Variants in SPRR2E observed in about 807,000 individuals in gnomAD.
The protein encoded by SPRR2E is small proline-rich protein 2E.
For missense variants in SPRR2E, 68 were observed against 87.1 expected (o/e 0.78, Z 0.87); for synonymous variants, 20 against 32.2 (o/e 0.62, Z 1.28).
intron 1 of SPRR2E, among the ~76,000 whole-genome samples, chr1:153,094,222 T>C (rs1441643955): frequency 2.0e-5 from 3 of 152,184 alleles, no homozygotes; most frequent in African/African-American, 7.2e-5. Flanking sequence ...ACCAGGAAAA[T>C]ATGGAAAAGA....
At chr1:153,094,146 G>A (rs369674147) in intron 1 of SPRR2E, among the ~76,000 whole-genome samples, 5 of 152,370 alleles carry the variant, frequency 3.3e-5, no homozygotes, top group African/African-American at 1.2e-4. Context: ...TGGGCACAGA[G>A]CAAGGGCTGT....
At chr1:153,093,878 A>G (rs1655159357) in intron 1 of SPRR2E, 108 bp from the exon 2 acceptor site, 3 of 1,338,150 alleles carry the variant, frequency 2.2e-6, no homozygotes, top group Non-Finnish European at 3.0e-6. Flanking sequence ...CCAAAAATTT[A>G]TTTAAACTCT....
chr1:153,093,516 G>A lies in SPRR2E; in HGVS notation c.*17C>T. 6.2e-7 allele frequency: 1 copy of A among 1,610,328 alleles called. No individual in the cohort carries two copies. Among genetic ancestry groups the A allele is most frequent in the South Asian group, 1.1e-5 (1 of 90,566 alleles). On this transcript the variant is annotated 3_prime_UTR_variant, in exon 2 of 2. Transcript: ENST00000368750. ...ATTATCCTTATCCTTTCATGCTCCT[G>A]ATGAATTCTGAAGCTGTTACTTGCT... is the stretch of plus-strand genomic sequence containing the variant.
In SPRR2E at chr1:153,093,429, T is replaced by A. The variant is rs1414129121; in HGVS notation, c.*104A>T. ...ACTGGCTAAGAGGAAAGAAGCTAACTGTGTATCCATGGTAGGCTTTGATGA... is the reference window on the plus strand; with the variant it reads ...ACTGGCTAAGAGGAAAGAAGCTAACAGTGTATCCATGGTAGGCTTTGATGA... On this transcript the variant is annotated 3_prime_UTR_variant, in exon 2 of 2. Coordinates refer to ENST00000368750, the MANE Select transcript of SPRR2E (RefSeq NM_001024209.4). 1 of 1,531,916 alleles carries A rather than the reference T, an allele frequency of 6.5e-7. No homozygotes were observed. Among genetic ancestry groups the A allele is most frequent in the Non-Finnish European group, 8.8e-7 (1 of 1,136,474 alleles). The allele number at this position is 1,531,916 out of a possible 1,614,324, so 94.9% of individuals were successfully genotyped here. A position where few individuals can be genotyped will look rare whatever the true frequency, so the allele number is the denominator to read the frequency against.
Position 153,093,706 on chromosome 1 carries a change from G to A in SPRR2E, c.46C>T (p.Pro16Ser). The A allele has an allele frequency of 6.2e-7, 1 of 1,612,254 alleles. No homozygotes were observed. The highest frequency in any genetic ancestry group is 8.5e-7 in the Non-Finnish European group (1 of 1,179,862). ...GGGCACTTTGGCGTGGGGCACACAGGAGGTGGCTGGCAGGGCTGCTTGCAC... is the reference window on the plus strand; with the variant it reads ...GGGCACTTTGGCGTGGGGCACACAGAAGGTGGCTGGCAGGGCTGCTTGCAC... ...QQCKQPCQPPPVCPTPKCPEP... is the reference protein window; with the variant it reads ...QQCKQPCQPPSVCPTPKCPEP... The change falls in exon 2 of 2, where the codon CCT becomes TCT. Residue 16 changes from proline to serine, a missense_variant. Transcript: ENST00000368750.
chr1:153,093,315 C>T lies in SPRR2E; in HGVS notation c.*218G>A, dbSNP rs1655131559. 1 of 892,590 alleles carries T rather than the reference C, an allele frequency of 1.1e-6. No individual in the cohort carries two copies. The highest frequency in any genetic ancestry group is 1.7e-6 in the Non-Finnish European group (1 of 602,246). The allele number at this position is 892,590 out of a possible 1,614,324, so 55.3% of individuals were successfully genotyped here. A position where few individuals can be genotyped will look rare whatever the true frequency, so the allele number is the denominator to read the frequency against. On this transcript the variant is annotated 3_prime_UTR_variant, in exon 2 of 2. Transcript: ENST00000368750. ...CTCTGGGAACTGACACTGCTGAGGA[C>T]TTCCTTTCTCAGTCTCCACCTGGAC...
In SPRR2E at chr1:153,093,230, A is replaced by C; in HGVS notation, c.*303T>G. On this transcript the variant is annotated 3_prime_UTR_variant, in exon 2 of 2. Coordinates refer to ENST00000368750, the MANE Select transcript of SPRR2E (RefSeq NM_001024209.4). ...GCCCAGGTGACAGACAGACACAGAA[A>C]ACATCAACAGCATTTTTTGATGGTT... The C allele has an allele frequency of 4.2e-6, 2 of 481,428 alleles. No homozygotes were observed. The highest frequency in any genetic ancestry group is 3.2e-5 in the East Asian group (1 of 30,814). The allele number at this position is 481,428 out of a possible 1,614,324, so 29.8% of individuals were successfully genotyped here.
At position 153,093,570 on chromosome 1, in the gene SPRR2E, G is replaced by A; in HGVS notation, c.182C>T (p.Pro61Leu). 1 of 1,613,014 alleles carries A rather than the reference G, an allele frequency of 6.2e-7. No homozygotes were observed. Among genetic ancestry groups the A allele is most frequent in the Non-Finnish European group, 8.5e-7 (1 of 1,179,822 alleles). Residue 61 changes from proline to leucine, a missense_variant, in exon 2 of 2, where the codon CCA (proline) becomes CTA (leucine). Physicochemically the swap from Pro to Leu is moderately conservative, Grantham distance 98. Transcript: ENST00000368750. Reference sequence around the variant, plus strand: ...GGGTGGACACTTTGGCTGGCAGGGTGGGGAAGGTGTCACAGGAGGACATTT... The same window carrying A: ...GGGTGGACACTTTGGCTGGCAGGGTAGGGAAGGTGTCACAGGAGGACATTT... Reference protein sequence around the residue: ...QQKCPPVTPSPPCQPKCPPKS... With the variant: ...QQKCPPVTPSLPCQPKCPPKS...
At position 153,093,559 on chromosome 1, in the gene SPRR2E, G is replaced by C; in HGVS notation, c.193C>G (p.Pro65Ala). The change falls in exon 2 of 2, where the codon CCA becomes GCA. Residue 65 changes from proline (P) to alanine (A), a missense_variant. Physicochemically the swap from Pro to Ala is conservative, Grantham distance 27 (BLOSUM62 -1). Coordinates refer to ENST00000368750, the MANE Select transcript of SPRR2E (RefSeq NM_001024209.4). ...PPVTPSPPCQ[P>A]KCPPKSK The stretch of plus-strand genomic sequence containing the variant: ...TACTTGCTCTTGGGTGGACACTTTG[G>C]CTGGCAGGGTGGGGAAGGTGTCACA... 1.9e-6 allele frequency: 3 copies of C among 1,612,880 alleles called. No homozygotes were observed. In the Admixed American group the frequency reaches 5.0e-5, roughly 27 times the overall value.
intron 1 of SPRR2E, 138 bp from the exon 2 acceptor site, chr1:153,093,908 T>A: frequency 7.6e-7 from 1 of 1,324,372 alleles, no homozygotes. Context: ...TTTCATGACT[T>A]CCTGTCTTCT....
At position 153,093,351 on chromosome 1, in the gene SPRR2E, T is replaced by A. The variant is rs532627300; in HGVS notation, c.*182A>T. 1.7e-6 allele frequency: 2 copies of A among 1,197,350 alleles called. No homozygotes were observed. The highest frequency in any genetic ancestry group is 2.3e-6 in the Non-Finnish European group (2 of 866,240). 74.2% of individuals were successfully genotyped at this position (1,197,350 alleles called of 1,614,324 possible). ...AGTCTCCACCTGGACAGTGGCAATA[T>A]GGCAGCCTCAGAAAGGAAACCTTTT... On this transcript the variant is annotated 3_prime_UTR_variant, in exon 2 of 2. Transcript: ENST00000368750.
Position 153,093,337 on chromosome 1 carries a change from G to A in SPRR2E, c.*196C>T. ...GGACTTCCTTTCTCAGTCTCCACCT[G>A]GACAGTGGCAATATGGCAGCCTCAG... On this transcript the variant is annotated 3_prime_UTR_variant, in exon 2 of 2. Transcript: ENST00000368750. 1 of 1,067,142 alleles carries A rather than the reference G, an allele frequency of 9.4e-7. No individual in the cohort carries two copies. The highest frequency in any genetic ancestry group is 1.6e-5 in the African/African-American group (1 of 62,514). 66.1% of individuals were successfully genotyped at this position (1,067,142 alleles called of 1,614,324 possible). A position where few individuals can be genotyped will look rare whatever the true frequency, so the allele number is the denominator to read the frequency against.
Position 153,093,401 on chromosome 1 carries a change from A to C in SPRR2E, c.*132T>G, listed in dbSNP as rs1008556790. On this transcript the variant is annotated 3_prime_UTR_variant, in exon 2 of 2. Coordinates refer to ENST00000368750, the MANE Select transcript of SPRR2E (RefSeq NM_001024209.4). The stretch of plus-strand genomic sequence containing the variant: ...TGCTATCAGGGATCATCATGGGCAG[A>C]TCACTGGCTAAGAGGAAAGAAGCTA... 2 of 1,487,376 alleles carry C rather than the reference A, an allele frequency of 1.3e-6. No individual in the cohort carries two copies. The highest frequency in any genetic ancestry group is 2.2e-5 in the Admixed American group (1 of 46,386). 92.1% of individuals were successfully genotyped at this position (1,487,376 alleles called of 1,614,324 possible).
chr1:153,093,594 T>G lies in SPRR2E; in HGVS notation c.158A>C (p.Lys53Thr). 1 of 1,612,826 alleles carries G rather than the reference T, an allele frequency of 6.2e-7. No homozygotes were observed. The highest frequency in any genetic ancestry group is 8.5e-7 in the Non-Finnish European group (1 of 1,179,808). Residue 53 changes from lysine (K) to threonine (T), a missense_variant, in exon 2 of 2, where the codon AAA becomes ACA. Transcript: ENST00000368750. Reference sequence around the variant, plus strand: ...TGGGGAAGGTGTCACAGGAGGACATTTTTGCTGGCACTGCTGAGGTGGGCA... The same window carrying G: ...TGGGGAAGGTGTCACAGGAGGACATGTTTGCTGGCACTGCTGAGGTGGGCA... Reference protein sequence around the residue: ...QPCPPQQCQQKCPPVTPSPPC... With the variant: ...QPCPPQQCQQTCPPVTPSPPC...
rs764484427 is a variant in SPRR2E at position 153,093,704 on chromosome 1, A to G, written c.48T>C (p.Pro16=). ...QQCKQPCQPP[P]VCPTPKCPEP... is the part of the protein sequence containing the mutation. ...CTGGGCACTTTGGCGTGGGGCACAC[A>G]GGAGGTGGCTGGCAGGGCTGCTTGC... is the stretch of plus-strand genomic sequence containing the variant. Residue 16 remains proline, a synonymous_variant, in exon 2 of 2, where the codon CCT becomes CCC. Transcript: ENST00000368750. 1.9e-6 allele frequency: 3 copies of G among 1,612,276 alleles called. No homozygotes were observed. The South Asian group carries it at 3.3e-5, about 18-fold the overall frequency.
At position 153,093,274 on chromosome 1, in the gene SPRR2E, G is replaced by T; in HGVS notation, c.*259C>A. 1.6e-6 allele frequency: 1 copy of T among 622,788 alleles called. No homozygotes were observed. Among genetic ancestry groups the T allele is most frequent in the Non-Finnish European group, 2.6e-6 (1 of 382,052 alleles). The allele number at this position is 622,788 out of a possible 1,614,324, so 38.6% of individuals were successfully genotyped here. On this transcript the variant is annotated 3_prime_UTR_variant, in exon 2 of 2. Transcript: ENST00000368750. Reference sequence around the variant, plus strand: ...GATGGTTCCCAGGGACAGAGCTGCTGGTCCTTCTTCCAAAGCTCTGGGAAC... The same window carrying T: ...GATGGTTCCCAGGGACAGAGCTGCTTGTCCTTCTTCCAAAGCTCTGGGAAC...
Position 153,093,547 on chromosome 1 carries a change from G to T in SPRR2E, c.205C>A (p.Pro69Thr), listed in dbSNP as rs1473044954. 2 of 1,612,590 alleles carry T rather than the reference G, an allele frequency of 1.2e-6. No individual in the cohort carries two copies. The highest frequency in any genetic ancestry group is 1.7e-6 in the Non-Finnish European group (2 of 1,179,750). Residue 69 changes from proline (P) to threonine (T), a missense_variant, in exon 2 of 2, where the codon CCC becomes ACC. Transcript: ENST00000368750. ...PSPPCQPKCP[P>T]KSK The stretch of plus-strand genomic sequence containing the variant: ...TTCTGAAGCTGTTACTTGCTCTTGG[G>T]TGGACACTTTGGCTGGCAGGGTGGG...
At position 153,093,679 on chromosome 1, in the gene SPRR2E, C is replaced by G. The variant is rs1655148765; in HGVS notation, c.73G>C (p.Glu25Gln). The change falls in exon 2 of 2, where the codon GAG becomes CAG. Residue 25 changes from glutamate to glutamine, a missense_variant. By Grantham distance (29) the Glu-to-Gln change is conservative. Transcript: ENST00000368750. Reference sequence around the variant, plus strand: ...GGGCACTTCGGGGGTGGACATGGCTCTGGGCACTTTGGCGTGGGGCACACA... The same window carrying G: ...GGGCACTTCGGGGGTGGACATGGCTGTGGGCACTTTGGCGTGGGGCACACA... ...PPVCPTPKCP[E>Q]PCPPPKCPEP... is the part of the protein sequence containing the mutation. The G allele has an allele frequency of 6.2e-7, 1 of 1,612,272 alleles. No individual in the cohort carries two copies. Among genetic ancestry groups the G allele is most frequent in the Non-Finnish European group, 8.5e-7 (1 of 1,179,852 alleles).
Position 153,093,850 on chromosome 1 carries a change from A to G in SPRR2E, c.-19-80T>C, listed in dbSNP as rs1476682692. The G allele has an allele frequency of 2.6e-6, 4 of 1,558,486 alleles. No homozygotes were observed. In the African/African-American group the frequency reaches 4.1e-5, roughly 16 times the overall value. On this transcript the variant is annotated intron_variant, in intron 1 of 1. Coordinates refer to ENST00000368750, the MANE Select transcript of SPRR2E (RefSeq NM_001024209.4). ...GCCAAAGCTTATGTAATACCATGGC[A>G]TATTATTTCTCCAATCTCCAAAAAT...
Sources: allele counts gnomAD v4.1 joint callset (sites outside exome capture counted in the v4.1 genomes callset), GRCh38; gene constraint gnomAD v4.1.1; transcripts MANE v1.5; gene names NCBI Gene and HGNC (gene_info 2026-07-23, HGNC 2026-07-21).